Variants in RIMS2 observed in about 807,000 individuals in gnomAD.
The protein encoded by RIMS2 is regulating synaptic membrane exocytosis protein 2.
In RIMS2, 59 loss-of-function variants were observed where a neutral mutation model predicts 174.4. The observed-to-expected ratio is 0.34, with a 90% confidence interval of 0.27 to 0.42. The LOEUF (loss-of-function observed/expected upper bound fraction) is 0.42. RIMS2 is among the 10% of genes least tolerant of loss of function. RIMS2 has a pLI of 1.00. For missense variants in RIMS2, 1,620 were observed against 1,666.3 expected, an observed-to-expected ratio of 0.97 and a Z score of 0.48; for synonymous variants, 606 against 572.5, an observed-to-expected ratio of 1.06 and a Z score of -0.84.
chr8:103,851,476 A>G (rs1046777853), intron 3 of RIMS2, among the ~76,000 whole-genome samples: 1 of 151,890 alleles, frequency 6.6e-6, no homozygotes, highest in Non-Finnish European at 1.5e-5. Flanking sequence ...ATTATATTCT[A>G]TATAGTTAGA....
intron 17 of RIMS2, among the ~76,000 whole-genome samples, chr8:103,994,951 C>G (rs935496902): frequency 4.0e-5 from 6 of 151,770 alleles, no homozygotes; most frequent in Admixed American, 6.6e-5. Flanking sequence ...TAAATTTTAG[C>G]AAGCTTTGAA....
At chr8:103,864,771 A>G (rs1433565983) in intron 3 of RIMS2, among the ~76,000 whole-genome samples, 9 of 152,204 alleles carry the variant, frequency 5.9e-5, no homozygotes, top group Admixed American at 5.9e-4. Context: ...TACAACTAAC[A>G]GTCATAGAGT....
At chr8:103,690,952 G>A (rs1281670526) in intron 1 of RIMS2, among the ~76,000 whole-genome samples, 1 of 152,100 alleles carries the variant, frequency 6.6e-6, no homozygotes, top group African/African-American at 2.4e-5. Context: ...TATGTTTGAA[G>A]GATATTTTTA....
chr8:103,728,816 T>C (rs548500821), intron 2 of RIMS2, among the ~76,000 whole-genome samples: 3 of 151,114 alleles, frequency 2.0e-5, no homozygotes, highest in Non-Finnish European at 4.4e-5. Flanking sequence ...TGCTTTATTA[T>C]TATCAATTGA....
chr8:104,011,648 A>G (rs2095765612), intron 17 of RIMS2, among the ~76,000 whole-genome samples: 2 of 152,094 alleles, frequency 1.3e-5, no homozygotes, highest in Admixed American at 1.3e-4. Context: ...TTCCACTTGG[A>G]AAAATTTCTT....
intron 19 of RIMS2, among the ~76,000 whole-genome samples, chr8:104,171,084 C>T (rs905731587): frequency 2.0e-5 from 3 of 152,038 alleles, no homozygotes; most frequent in Non-Finnish European, 2.9e-5. Flanking sequence ...TTTCCTTCAT[C>T]TTAACTTTAG....
At chr8:104,021,706 T>C (rs1312902992) in intron 19 of RIMS2, among the ~76,000 whole-genome samples, 1 of 152,216 alleles carries the variant, frequency 6.6e-6, no homozygotes, top group East Asian at 1.9e-4. Flanking sequence ...ACTGTTATGC[T>C]TTCTTCTTAT....
intron 19 of RIMS2, among the ~76,000 whole-genome samples, chr8:104,202,674 C>G (rs1008053595): frequency 1.3e-5 from 2 of 152,214 alleles, no homozygotes; most frequent in East Asian, 3.8e-4. Context: ...TCCATCTCTG[C>G]TGTCTCTTCT....
At chr8:103,659,540 C>T (rs541247012) in intron 1 of RIMS2, among the ~76,000 whole-genome samples, 54 of 152,316 alleles carry the variant, frequency 3.5e-4, no homozygotes, top group African/African-American at 1.1e-3. Flanking sequence ...CGGAGGACAG[C>T]AGTTCTTTTT....
intron 2 of RIMS2, among the ~76,000 whole-genome samples, chr8:103,756,003 G>C (rs570560698): frequency 2.0e-5 from 3 of 152,272 alleles, no homozygotes; most frequent in Admixed American, 6.5e-5. Context: ...GCGGCAAAGA[G>C]GTGCTCTGGT....
intron 5 of RIMS2, among the ~76,000 whole-genome samples, chr8:103,911,402 G>A (rs922118506): frequency 2.0e-5 from 3 of 152,052 alleles, no homozygotes; most frequent in Non-Finnish European, 4.4e-5. Flanking sequence ...AGACCTGAAA[G>A]AATCATGAAA....
chr8:103,875,386 C>A (rs1313754118), intron 3 of RIMS2, among the ~76,000 whole-genome samples: 1 of 151,926 alleles, frequency 6.6e-6, no homozygotes, highest in Non-Finnish European at 1.5e-5. Context: ...TCCTGAGTTA[C>A]TTCATGTAGG....
intron 2 of RIMS2, among the ~76,000 whole-genome samples, chr8:103,710,502 A>G (rs2097290831): frequency 6.6e-6 from 1 of 152,156 alleles, no homozygotes; most frequent in Admixed American, 6.5e-5. Context: ...TTTTTAGTCA[A>G]GTGAAAAAAT....
intron 1 of RIMS2, among the ~76,000 whole-genome samples, chr8:103,696,615 A>T (rs1226366908): frequency 2.0e-5 from 3 of 152,044 alleles, no homozygotes; most frequent in African/African-American, 7.2e-5. Flanking sequence ...GTCTGTAATC[A>T]TAGCACTTCA....
Position 104,145,988 on chromosome 8 carries a change from A to C in RIMS2, c.3335-98928A>C, listed in dbSNP as rs181690002. Among the ~76,000 whole-genome samples, 46 of 152,144 alleles carry C rather than the reference A, an allele frequency of 3.0e-4. No homozygotes were observed. The East Asian group carries it at 6.4e-3, about 21-fold the overall frequency. ...TTCTCTCATCAAAACACACCACTCT[A>C]GTGCTACTATTCATAAACTCATCCC... On this transcript the variant is annotated intron_variant, in intron 19 of 23. Transcript: ENST00000504942.
rs201882174 is a variant in RIMS2 at position 103,586,851 on chromosome 8, G to GA, written c.176+85797dup. ...CGACAAATCTTTAGCCAGAGTAAGA[G>GA]AAAAAAAACCCAGAAGATCCAAATA... On this transcript the variant is annotated intron_variant, in intron 1 of 23. Coordinates refer to ENST00000504942, the Ensembl canonical transcript of RIMS2. Among the ~76,000 whole-genome samples the GA allele has an allele frequency of 3.8e-3, 569 of 150,884 alleles. 8 individuals carry two copies. Among genetic ancestry groups the GA allele is most frequent in the African/African-American group, 0.013 (538 of 41,164 alleles).
chr8:104,222,107 C>A (rs1157008354), intron 19 of RIMS2, among the ~76,000 whole-genome samples: 3 of 152,208 alleles, frequency 2.0e-5, no homozygotes, highest in African/African-American at 7.2e-5. Context: ...ACCCTGACAA[C>A]TCTTTTTGAA....
chr8:103,910,860 G>A (rs929607348), intron 5 of RIMS2, among the ~76,000 whole-genome samples: 1 of 152,120 alleles, frequency 6.6e-6, no homozygotes, highest in African/African-American at 2.4e-5. Context: ...AATAAGTTTT[G>A]GATTGGCTTA....
chr8:103,892,898 A>G (rs1401825678), intron 4 of RIMS2, among the ~76,000 whole-genome samples: 1 of 152,016 alleles, frequency 6.6e-6, no homozygotes, highest in Non-Finnish European at 1.5e-5. Context: ...AGCTTTAAAC[A>G]TTTGATGATT....
Sources: gnomAD v4.1 joint callset for allele counts (sites outside exome capture counted in the v4.1 genomes callset) on GRCh38, gnomAD v4.1.1 for gene constraint, MANE v1.5 for transcripts, NCBI Gene and HGNC (gene_info 2026-07-23, HGNC 2026-07-21) for gene names.